Variants in GHR observed in about 807,000 individuals in gnomAD.
GHR encodes the protein GH receptor.
Under a neutral mutation model 67.1 loss-of-function variants are expected in GHR, and 35 were observed. That is an observed-to-expected ratio of 0.52 (90% CI 0.40 to 0.69). The LOEUF is 0.69. Ranked by LOEUF, GHR falls within the 30% of genes least tolerant of loss-of-function variation. The pLI is 0.00. For missense variants in GHR, 792 were observed against 764.6 expected (o/e 1.04, Z -0.42); for synonymous variants, 272 against 269.1 (o/e 1.01, Z -0.10).
intron 3 of GHR, among the ~76,000 whole-genome samples, chr5:42,660,659 G>GA (rs1172392450): frequency 6.6e-6 from 1 of 152,080 alleles, no homozygotes; most frequent in South Asian, 2.1e-4. Flanking sequence ...CAAAGATGGG[G>GA]AAAAAACAGA....
chr5:42,687,383 A>G (rs1351264465), intron 3 of GHR, among the ~76,000 whole-genome samples: 1 of 152,246 alleles, frequency 6.6e-6, no homozygotes, highest in Admixed American at 6.5e-5. Flanking sequence ...AGCAAAAAGA[A>G]CAAAGCTGAA....
At chr5:42,645,903 C>T (rs923178278) in intron 3 of GHR, among the ~76,000 whole-genome samples, 1 of 152,200 alleles carries the variant, frequency 6.6e-6, no homozygotes, top group Non-Finnish European at 1.5e-5. Flanking sequence ...TACTCATTTG[C>T]ACCATATGCA....
intron 1 of GHR, among the ~76,000 whole-genome samples, chr5:42,504,665 A>C (rs1175487149): frequency 6.6e-6 from 1 of 152,156 alleles, no homozygotes; most frequent in East Asian, 1.9e-4. Flanking sequence ...AGGCTGAGGC[A>C]GGAGAATCGC....
chr5:42,565,830 G>T (rs374557559), intron 1 of GHR, 34 bp from the exon 2 acceptor site: 12 of 1,613,684 alleles, frequency 7.4e-6, no homozygotes, highest in East Asian at 4.5e-5. Flanking sequence ...GCTTTTAATT[G>T]CTGGGCTTTA....
Position 42,424,531 on chromosome 5 carries a change from C to CA in GHR, c.-12+577dup. 1.3e-6 allele frequency: 2 copies of CA among 1,500,014 alleles called. No individual in the cohort carries two copies. The highest frequency in any genetic ancestry group is 2.4e-5 in the South Asian group (2 of 83,402). 92.9% of individuals were successfully genotyped at this position (1,500,014 alleles called of 1,614,324 possible). A position where few individuals can be genotyped will look rare whatever the true frequency, so the allele number is the denominator to read the frequency against. ...GTCTTTTGCGCGTTTGTGCGGGCCGCAGCCGCACGTTGGCACCGATGGAAC... is the reference window on the plus strand; with the variant it reads ...GTCTTTTGCGCGTTTGTGCGGGCCGCAAGCCGCACGTTGGCACCGATGGAAC... On this transcript the variant is annotated intron_variant, in intron 1 of 9. Coordinates refer to ENST00000230882, the MANE Select transcript of GHR (RefSeq NM_000163.5). This position sits in a 1 kb window ranked among gnomAD's most constrained non-coding sequence, Gnocchi z 4.1.
At position 42,693,481 on chromosome 5, in the gene GHR, ACT is replaced by A. The variant is rs538544716; in HGVS notation, c.267-1435_267-1434del. Among the ~76,000 whole-genome samples, 9 of 152,202 alleles carry A rather than the reference ACT, an allele frequency of 5.9e-5. No homozygotes were observed. The South Asian group carries it at 1.0e-3, about 18-fold the overall frequency. On this transcript the variant is annotated intron_variant, in intron 4 of 9. Transcript: ENST00000230882. ...AGAGTCTCAACCAAAGCAGCAATTC[ACT>A]GTCTCAGACCCTGGAGTCTCTGCCA...
At chr5:42,596,945 A>G (rs896762267) in intron 2 of GHR, among the ~76,000 whole-genome samples, 1 of 152,190 alleles carries the variant, frequency 6.6e-6, no homozygotes, top group Non-Finnish European at 1.5e-5. Flanking sequence ...TGTAAGGCCC[A>G]TGAGGCTAGC....
At position 42,423,575 on chromosome 5, in the gene GHR, C is replaced by CAGG. The variant is rs1458440834; in HGVS notation, c.-392_-391insAGG. Among the ~76,000 whole-genome samples the CAGG allele has an allele frequency of 6.6e-6, 1 of 152,190 alleles. No individual in the cohort carries two copies. The highest frequency in any genetic ancestry group is 6.5e-5 in the Admixed American group (1 of 15,284). On this transcript the variant is annotated 5_prime_UTR_variant, in exon 1 of 10. Transcript: ENST00000230882. ...TGGCCTCCTTGAACGTCCGCTTCGC[C>CAGG]TTCGCTTCTGCAACCTGGATCTGGG...
intron 3 of GHR, among the ~76,000 whole-genome samples, chr5:42,638,588 G>A (rs1470342350): frequency 6.6e-6 from 1 of 152,124 alleles, no homozygotes; most frequent in Non-Finnish European, 1.5e-5. Context: ...ACAATGGTAA[G>A]TATTTATGTA....
At chr5:42,455,062 A>T (rs1744204813) in intron 1 of GHR, among the ~76,000 whole-genome samples, 1 of 151,436 alleles carries the variant, frequency 6.6e-6, no homozygotes, top group Non-Finnish European at 1.5e-5. Context: ...TGCCTACAAG[A>T]CTCTTCCTGC....
At chr5:42,611,501 C>T (rs186141946) in intron 2 of GHR, among the ~76,000 whole-genome samples, 1 of 152,174 alleles carries the variant, frequency 6.6e-6, no homozygotes, top group Admixed American at 6.5e-5. Flanking sequence ...TATTTATTGC[C>T]CCCTTCCCAT....
At chr5:42,480,965 G>A (rs1745602780) in intron 1 of GHR, among the ~76,000 whole-genome samples, 2 of 152,168 alleles carry the variant, frequency 1.3e-5, no homozygotes, top group Admixed American at 6.5e-5. Flanking sequence ...ATTAGTTGAT[G>A]CAGTTTCTTC....
chr5:42,606,217 AAGTGCCCACACACT>A (rs1390373301), intron 2 of GHR, among the ~76,000 whole-genome samples: 1 of 152,156 alleles, frequency 6.6e-6, no homozygotes, highest in Non-Finnish European at 1.5e-5. Flanking sequence ...AAGGCACAGG[AAGTGCCCACACACT>A]AGTGCCCACA....
At chr5:42,656,290 T>C (rs1402044870) in intron 3 of GHR, among the ~76,000 whole-genome samples, 1 of 152,242 alleles carries the variant, frequency 6.6e-6, no homozygotes, top group African/African-American at 2.4e-5. Context: ...TCCTATTTTA[T>C]ATAAACAACA....
At chr5:42,631,764 C>T (rs1327978157) in intron 3 of GHR, among the ~76,000 whole-genome samples, 3 of 152,038 alleles carry the variant, frequency 2.0e-5, no homozygotes, top group African/African-American at 7.3e-5. Context: ...TTCTCAGACT[C>T]AAAACAAAGC....
intron 2 of GHR, among the ~76,000 whole-genome samples, chr5:42,610,328 C>T (rs1752832338): frequency 1.3e-5 from 2 of 152,114 alleles, no homozygotes; most frequent in African/African-American, 4.8e-5. Context: ...GCAAAGCTTG[C>T]CAGCCTCTTT....
intron 1 of GHR, among the ~76,000 whole-genome samples, chr5:42,521,284 T>C (rs937138179): frequency 8.5e-5 from 13 of 152,182 alleles, no homozygotes; most frequent in African/African-American, 2.9e-4. Context: ...GTTTCTTTTG[T>C]GTGAAAATTT....
chr5:42,427,171 G>A (rs1413785187), intron 1 of GHR, among the ~76,000 whole-genome samples: 1 of 152,210 alleles, frequency 6.6e-6, no homozygotes, highest in African/African-American at 2.4e-5. Context: ...CCTTGAACAA[G>A]ATGCCCTTGA....
intron 3 of GHR, among the ~76,000 whole-genome samples, chr5:42,653,512 A>G (rs557610622): frequency 6.6e-6 from 1 of 152,230 alleles, no homozygotes; most frequent in South Asian, 2.1e-4. Flanking sequence ...GTGAGGTTGT[A>G]TTATGGGCAT....
Sources: allele counts gnomAD v4.1 joint callset (sites outside exome capture counted in the v4.1 genomes callset), GRCh38; gene constraint gnomAD v4.1.1; non-coding constraint Gnocchi (gnomAD v3.1); transcripts MANE v1.5; gene names NCBI Gene and HGNC (gene_info 2026-07-23, HGNC 2026-07-21).